CLSTN2: variants seen among roughly 807,000 people sequenced by gnomAD.
CLSTN2 encodes calsyntenin 2, also known as calsyntenin-2.
In CLSTN2, 48 loss-of-function variants were observed where a neutral mutation model predicts 101.2. The observed-to-expected ratio is 0.47, with a 90% CI of 0.38 to 0.60. The LOEUF (loss-of-function observed/expected upper bound fraction) is 0.60. Among genes scored for constraint, CLSTN2 ranks in the 20% least tolerant of loss-of-function variants. CLSTN2 has a pLI of 0.00. For missense variants in CLSTN2, 1,160 were observed against 1,238.2 expected, an observed-to-expected ratio of 0.94 and a Z score of 0.95; for synonymous variants, 481 against 463.6, an observed-to-expected ratio of 1.04 and a Z score of -0.48.
intron 1 of CLSTN2, among the ~76,000 whole-genome samples, chr3:140,108,007 C>T (rs563120103): frequency 6.6e-6 from 1 of 152,136 alleles, no homozygotes; most frequent in Non-Finnish European, 1.5e-5. Context: ...TGCCATTGTG[C>T]CAGAGCAATG....
intron 2 of CLSTN2, among the ~76,000 whole-genome samples, chr3:140,279,885 T>A (rs2107895751): frequency 6.6e-6 from 1 of 152,358 alleles, no homozygotes; most frequent in South Asian, 2.1e-4. Context: ...TGGCATCCAC[T>A]TGATCTGTCC....
intron 8 of CLSTN2, among the ~76,000 whole-genome samples, chr3:140,492,560 G>A (rs1258272026): frequency 5.9e-5 from 9 of 152,272 alleles, no homozygotes; most frequent in African/African-American, 2.2e-4. Flanking sequence ...AATCCAAGGT[G>A]TCCCTTAACC....
intron 1 of CLSTN2, among the ~76,000 whole-genome samples, chr3:140,001,780 TC>T (rs2006847413): frequency 6.6e-6 from 1 of 151,700 alleles, no homozygotes; most frequent in African/African-American, 2.4e-5. Flanking sequence ...TTACTACCCA[TC>T]CCAACCTCTG....
At chr3:139,993,934 C>T (rs1936158784) in intron 1 of CLSTN2, among the ~76,000 whole-genome samples, 1 of 152,248 alleles carries the variant, frequency 6.6e-6, no homozygotes, top group East Asian at 1.9e-4. Context: ...GAAGTAGGGC[C>T]AGTCCTTGGG....
intron 5 of CLSTN2, among the ~76,000 whole-genome samples, chr3:140,446,562 A>G (rs1576572021): frequency 6.6e-6 from 1 of 152,122 alleles, no homozygotes; most frequent in African/African-American, 2.4e-5. Context: ...ATCAGTCCCT[A>G]CTGCATGCTA....
chr3:140,050,077 G>C (rs1342246079), intron 1 of CLSTN2, among the ~76,000 whole-genome samples: 1 of 152,228 alleles, frequency 6.6e-6, no homozygotes, highest in Non-Finnish European at 1.5e-5. Flanking sequence ...GAGTATCAAG[G>C]ATTACATGAG....
chr3:140,390,667 TC>T (rs1245569610), intron 2 of CLSTN2, among the ~76,000 whole-genome samples: 3 of 152,256 alleles, frequency 2.0e-5, no homozygotes, highest in Non-Finnish European at 2.9e-5. Context: ...CATGCCTTAT[TC>T]TTTATGATTG....
chr3:140,516,606 T>A (rs1934922198), intron 8 of CLSTN2, among the ~76,000 whole-genome samples: 2 of 152,064 alleles, frequency 1.3e-5, no homozygotes, highest in Non-Finnish European at 2.9e-5. Flanking sequence ...TTTATGAAGC[T>A]TAGTTTTGCT....
chr3:140,121,211 T>C (rs2009334711), intron 1 of CLSTN2, among the ~76,000 whole-genome samples: 1 of 152,168 alleles, frequency 6.6e-6, no homozygotes, highest in Admixed American at 6.5e-5. Flanking sequence ...GACGGGGTTC[T>C]TGAGAGGACT....
At chr3:140,444,692 ACT>A (rs1005526735) in intron 5 of CLSTN2, among the ~76,000 whole-genome samples, 33 of 152,212 alleles carry the variant, frequency 2.2e-4, no homozygotes, top group Admixed American at 5.9e-4. Context: ...TACTGAAATG[ACT>A]CTGCATGTAA....
intron 1 of CLSTN2, among the ~76,000 whole-genome samples, chr3:139,950,717 A>G (rs911887212): frequency 1.3e-5 from 2 of 152,240 alleles, no homozygotes; most frequent in Non-Finnish European, 2.9e-5. Context: ...AATTTAACAA[A>G]TCAATATAAT....
intron 2 of CLSTN2, among the ~76,000 whole-genome samples, chr3:140,385,394 G>A (rs969078182): frequency 7.8e-6 from 1 of 127,984 alleles, no homozygotes. Context: ...TATCTGAGAT[G>A]GCGTCTCGCT....
intron 2 of CLSTN2, among the ~76,000 whole-genome samples, chr3:140,390,859 A>T (rs559938358): frequency 6.6e-6 from 1 of 152,362 alleles, no homozygotes; most frequent in South Asian, 2.1e-4. Context: ...TCACATGTCA[A>T]GTAAGTTTGA....
intron 2 of CLSTN2, among the ~76,000 whole-genome samples, chr3:140,177,291 A>T (rs1381527441): frequency 6.6e-6 from 1 of 152,036 alleles, no homozygotes; most frequent in Admixed American, 6.6e-5. Context: ...GGAAGTATAA[A>T]CTCCTTGCAG....
intron 1 of CLSTN2, among the ~76,000 whole-genome samples, chr3:139,997,432 C>T (rs1020309628): frequency 6.6e-6 from 1 of 152,170 alleles, no homozygotes; most frequent in Non-Finnish European, 1.5e-5. Flanking sequence ...ACATGGAGAA[C>T]CAAATTTTGC....
chr3:140,045,581 G>A (rs2007860508), intron 1 of CLSTN2, among the ~76,000 whole-genome samples: 1 of 152,054 alleles, frequency 6.6e-6, no homozygotes, highest in African/African-American at 2.4e-5. Flanking sequence ...GTTTGCTCTT[G>A]CTTCTCTAGT....
intron 1 of CLSTN2, among the ~76,000 whole-genome samples, chr3:140,053,498 A>G (rs1403800901): frequency 2.0e-5 from 3 of 152,154 alleles, no homozygotes; most frequent in Non-Finnish European, 2.9e-5. Flanking sequence ...AGCAGCTGCA[A>G]AGGCACCAGA....
chr3:140,163,940 A>G (rs2010091584), intron 1 of CLSTN2, among the ~76,000 whole-genome samples: 1 of 152,116 alleles, frequency 6.6e-6, no homozygotes. Context: ...ATTAGCATGA[A>G]TTCCAAAGTA....
At chr3:140,285,933 C>G (rs147762409) in intron 2 of CLSTN2, among the ~76,000 whole-genome samples, 144 of 152,268 alleles carry the variant, frequency 9.5e-4, no homozygotes, top group African/African-American at 3.3e-3. Flanking sequence ...ATACCATGAC[C>G]TGGGGCTTAG....
Sources: gnomAD v4.1 joint callset for allele counts (sites outside exome capture counted in the v4.1 genomes callset) on GRCh38, gnomAD v4.1.1 for gene constraint, MANE v1.5 for transcripts, NCBI Gene and HGNC (gene_info 2026-07-23, HGNC 2026-07-21) for gene names.